UMOD: variants seen among roughly 807,000 people sequenced by gnomAD.
UMOD encodes Tamm-Horsfall urinary glycoprotein.
UMOD carries 64 observed loss-of-function variants against 66.0 expected under a neutral mutation model. The ratio of observed to expected loss-of-function variants is 0.97; its 90% CI spans 0.79 to 1.19. The LOEUF (loss-of-function observed/expected upper bound fraction) is 1.19, where lower values mean the gene tolerates loss of function less well. UMOD is among the 50% of genes most tolerant of loss of function. The probability of loss-of-function intolerance (pLI) is 0.00; values close to 1 mark genes in which losing one functional copy is unlikely to be tolerated. For synonymous variants in UMOD, 398 were observed against 352.7 expected, an observed-to-expected ratio of 1.13 and a Z score of -1.44; for missense variants, 764 against 850.9, an observed-to-expected ratio of 0.90 and a Z score of 1.27.
intron 7 of UMOD, among the ~76,000 whole-genome samples, chr16:20,340,569 T>C (rs1201315965): frequency 6.6e-6 from 1 of 151,738 alleles, no homozygotes; most frequent in African/African-American, 2.4e-5. Context: ...AAAATTCTAA[T>C]GCTATAGTAA....
chr16:20,350,930 A>T, intron 1 of UMOD, 91 bp from the exon 2 acceptor site: 1 of 1,337,768 alleles, frequency 7.5e-7, no homozygotes, highest in Non-Finnish European at 1.0e-6. Context: ...ATACAACTCC[A>T]GGAGGTGTCA....
intron 10 of UMOD, 95 bp downstream of exon 10, chr16:20,335,387 T>G: frequency 1.5e-6 from 2 of 1,327,464 alleles, no homozygotes; most frequent in East Asian, 2.3e-5. Flanking sequence ...AACACCTCCC[T>G]TATAGAGTTG....
chr16:20,347,238 G>A (rs998307563), intron 4 of UMOD, among the ~76,000 whole-genome samples: 13 of 152,120 alleles, frequency 8.5e-5, no homozygotes, highest in African/African-American at 1.4e-4. Context: ...GGCCAGGCTG[G>A]TCTTGAACTC....
In UMOD at chr16:20,336,661, G is replaced by A. The variant is rs1471334559; in HGVS notation, c.1807C>T (p.Pro603Ser). The part of the protein sequence containing the change: ...IDQSRVLNLG[P>S]ITRKGVQATV... ...GCTCTCTTACCTTTCCGTGTGATGG[G>A]ACCCAAGTTCAGGACACGGGATTGA... Residue 603 changes from proline (P) to serine (S), a missense_variant, in exon 9 of 11, where the codon CCC (proline) becomes TCC (serine). Pro to Ser is a moderately conservative substitution (Grantham distance 74, BLOSUM62 -1). Coordinates refer to ENST00000396138, the MANE Select transcript of UMOD (RefSeq NM_003361.4). 6 of 1,614,104 alleles carry A rather than the reference G, an allele frequency of 3.7e-6. No individual in the cohort carries two copies. The highest frequency in any genetic ancestry group is 4.2e-6 in the Non-Finnish European group (5 of 1,179,978).
In UMOD at chr16:20,349,005, C is replaced by G. The variant is rs1379259057; in HGVS notation, c.296G>C (p.Arg99Pro). ...TGTGCAGCCGAGACCGGGCGACAGG[C>G]GGAAGCCTTCGGGGCAGACGCAGGA... ...SFSCVCPEGF[R>P]LSPGLGCTDV... Residue 99 changes from arginine to proline, a missense_variant, in exon 3 of 11, where the codon CGC (arginine) becomes CCC (proline). Arg to Pro is a moderately radical substitution (Grantham distance 103, BLOSUM62 -2). Coordinates refer to ENST00000396138, the MANE Select transcript of UMOD (RefSeq NM_003361.4). 5 of 1,581,386 alleles carry G rather than the reference C, an allele frequency of 3.2e-6. 1 individual carries two copies. In the South Asian group the frequency reaches 4.6e-5, roughly 15 times the overall value.
In UMOD at chr16:20,345,784, A is replaced by G. The variant is rs930279419; in HGVS notation, c.1182+342T>C. On this transcript the variant is annotated intron_variant, in intron 5 of 10. Coordinates refer to ENST00000396138, the MANE Select transcript of UMOD (RefSeq NM_003361.4). Reference sequence around the variant, plus strand: ...ACAAATAGACTAGTTTCTGAACCCAATGCTGATGCCTACTGGCTGAGACAA... The same window carrying G: ...ACAAATAGACTAGTTTCTGAACCCAGTGCTGATGCCTACTGGCTGAGACAA... Among the ~76,000 whole-genome samples, 5 of 152,128 alleles carry G rather than the reference A, an allele frequency of 3.3e-5. 1 individual carries two copies. The South Asian group carries it at 1.0e-3, about 32-fold the overall frequency.
At chr16:20,344,254 T>C in intron 5 of UMOD, 82 bp from the exon 6 acceptor site, 2 of 1,381,732 alleles carry the variant, frequency 1.4e-6, no homozygotes, top group Non-Finnish European at 2.1e-6. Flanking sequence ...CAAAGCTAAA[T>C]CTGCTGGTCT....
At chr16:20,345,979 T>G in intron 5 of UMOD, 147 bp downstream of exon 5, 1 of 684,088 alleles carries the variant, frequency 1.5e-6, no homozygotes, top group Non-Finnish European at 2.5e-6. Flanking sequence ...GTGGAGTAGG[T>G]ACTATTATTT....
intron 2 of UMOD, chr16:20,350,004 G>T (rs59027126): frequency 2.3e-6 from 2 of 887,722 alleles, no homozygotes; most frequent in Non-Finnish European, 1.6e-6. Context: ...CGTGAGGTCA[G>T]TTTTTTATGT....
At chr16:20,345,428 C>CTT (rs746042341) in intron 5 of UMOD, among the ~76,000 whole-genome samples, 14,928 of 64,520 alleles carry the variant, frequency 0.23, 1,158 homozygotes, top group African/African-American at 0.37. Context: ...TTCTTTCTTT[C>CTT]TCTTTCTTTC....
chr16:20,335,552 A>C (rs919674697), intron 9 of UMOD, 32 bp from the exon 10 acceptor site: 2 of 1,610,650 alleles, frequency 1.2e-6, no homozygotes, highest in African/African-American at 2.7e-5. Context: ...TCAGTGAATA[A>C]AGAATGCATG....
At chr16:20,344,744 A>T (rs1965447069) in intron 5 of UMOD, among the ~76,000 whole-genome samples, 1 of 152,136 alleles carries the variant, frequency 6.6e-6, no homozygotes, top group South Asian at 2.1e-4. Flanking sequence ...CATGTGCCAG[A>T]CCCCGAGTGG....
intron 5 of UMOD, among the ~76,000 whole-genome samples, chr16:20,345,322 A>G (rs1965480290): frequency 6.8e-6 from 1 of 146,140 alleles, no homozygotes. Context: ...CCAACATTAA[A>G]TCTTTCTTTT....
At chr16:20,336,495 G>A in intron 9 of UMOD, 151 bp downstream of exon 9, 4 of 707,310 alleles carry the variant, frequency 5.7e-6, no homozygotes, top group Non-Finnish European at 1.0e-5. Flanking sequence ...TGAAAGGAAG[G>A]CAGTCTGTAT....
rs932662265 is a variant in UMOD, at chr16:20,333,254, G to A, written c.*60C>T. ...TGGCTGGAGCACTGGCCCGCATCAT[G>A]CCCCCTGCCCAGCAGGAGGTGAGAT... On this transcript the variant is annotated 3_prime_UTR_variant, in exon 11 of 11. Coordinates refer to ENST00000396138, the MANE Select transcript of UMOD (RefSeq NM_003361.4). 3 of 1,524,856 alleles carry A rather than the reference G, an allele frequency of 2.0e-6. No homozygotes were observed. The highest frequency in any genetic ancestry group is 4.6e-5 in the East Asian group (2 of 43,782). 94.5% of individuals were successfully genotyped at this position (1,524,856 alleles called of 1,614,324 possible).
upstream of UMOD, chr16:20,352,798 T>G: frequency 8.7e-7 from 1 of 1,154,968 alleles, no homozygotes; most frequent in Non-Finnish European, 1.1e-6. Context: ...AGTTCTGTTT[T>G]TTGATATTGT....
chr16:20,335,319 T>G (rs1181915144), intron 10 of UMOD, among the ~76,000 whole-genome samples, 163 bp downstream of exon 10: 1 of 152,144 alleles, frequency 6.6e-6, no homozygotes, highest in Admixed American at 6.5e-5. Context: ...ATGCATGATC[T>G]CAGTAGGACC....
chr16:20,342,747 T>C (rs1033930438), intron 6 of UMOD, among the ~76,000 whole-genome samples: 2 of 152,176 alleles, frequency 1.3e-5, no homozygotes, highest in African/African-American at 4.8e-5. Flanking sequence ...AATGATACCT[T>C]TATCTCCTAG....
chr16:20,349,948 T>C (rs931097423), intron 2 of UMOD: 16 of 1,436,062 alleles, frequency 1.1e-5, no homozygotes, highest in Middle Eastern at 4.0e-4. Context: ...GGCAATAGGA[T>C]GTGCACTTTT....
Sources: allele counts gnomAD v4.1 joint callset (sites outside exome capture counted in the v4.1 genomes callset), GRCh38; gene constraint gnomAD v4.1.1; transcripts MANE v1.5; gene names NCBI Gene and HGNC (gene_info 2026-07-23, HGNC 2026-07-21).